UBE2E2: variants seen among roughly 807,000 people sequenced by gnomAD.
The protein encoded by UBE2E2 is ubiquitin-conjugating enzyme E2 E2.
A neutral mutation model predicts 24.7 loss-of-function variants in UBE2E2; 6 were observed. The observed-to-expected ratio is 0.24, with a 90% CI of 0.13 to 0.48. The LOEUF (loss-of-function observed/expected upper bound fraction) is 0.48. UBE2E2 is among the 20% of genes least tolerant of loss of function. UBE2E2 has a pLI of 0.99. For synonymous variants in UBE2E2, 104 were observed against 83.6 expected (o/e 1.24, Z -1.33); for missense variants, 169 against 245.0 (o/e 0.69, Z 2.07).
chr3:23,323,995 T>C (rs1000662505), intron 3 of UBE2E2, among the ~76,000 whole-genome samples: 2 of 152,308 alleles, frequency 1.3e-5, no homozygotes, highest in African/African-American at 4.8e-5. Context: ...AGTAAATGAA[T>C]GAACAAATGG....
At position 23,515,319 on chromosome 3, in the gene UBE2E2, C is replaced by T. The variant is rs559629564; in HGVS notation, c.360+15579C>T. Among the ~76,000 whole-genome samples the T allele has an allele frequency of 2.6e-5, 4 of 152,212 alleles. No individual in the cohort carries two copies. The East Asian group carries it at 7.7e-4, about 29-fold the overall frequency. On this transcript the variant is annotated intron_variant, in intron 4 of 5. Coordinates refer to ENST00000396703, the MANE Select transcript of UBE2E2 (RefSeq NM_152653.4). ...GTGAAATAGGAGATATTTCCTCCTG[C>T]AGGTGTGCACACACATGTAAATACC...
At chr3:23,283,346 A>G (rs1344311562) in intron 3 of UBE2E2, among the ~76,000 whole-genome samples, 1 of 152,152 alleles carries the variant, frequency 6.6e-6, no homozygotes, top group Non-Finnish European at 1.5e-5. Context: ...ACCCACTTAC[A>G]TATTACTCTA....
At chr3:23,233,537 A>G (rs755606254) in intron 3 of UBE2E2, among the ~76,000 whole-genome samples, 1 of 152,214 alleles carries the variant, frequency 6.6e-6, no homozygotes, top group Non-Finnish European at 1.5e-5. Flanking sequence ...TTTGGATGAT[A>G]TCCTAAACAT....
intron 3 of UBE2E2, among the ~76,000 whole-genome samples, chr3:23,313,094 A>G (rs935822010): frequency 3.9e-5 from 6 of 152,090 alleles, no homozygotes; most frequent in African/African-American, 9.7e-5. Context: ...TGTTCTATAA[A>G]TATCTACTAG....
chr3:23,294,195 T>C (rs1292088015), intron 3 of UBE2E2, among the ~76,000 whole-genome samples: 3 of 152,244 alleles, frequency 2.0e-5, no homozygotes, highest in African/African-American at 7.2e-5. Context: ...GAAGAAAATA[T>C]TTAAATAACC....
chr3:23,546,504 A>G (rs1305434476), intron 5 of UBE2E2, among the ~76,000 whole-genome samples: 2 of 33,470 alleles, frequency 6.0e-5, no homozygotes, highest in African/African-American at 1.3e-4. Context: ...TCGGAGTTTT[A>G]CTCTTGTTGC....
chr3:23,368,626 A>T (rs1359477415), intron 3 of UBE2E2, among the ~76,000 whole-genome samples: 2 of 152,174 alleles, frequency 1.3e-5, no homozygotes, highest in African/African-American at 4.8e-5. Context: ...TATTATTTCT[A>T]TCTGTATTAT....
At chr3:23,545,124 AC>A (rs1695489934) in intron 5 of UBE2E2, among the ~76,000 whole-genome samples, 1 of 151,972 alleles carries the variant, frequency 6.6e-6, no homozygotes, top group Non-Finnish European at 1.5e-5. Context: ...TTGCCCAGGG[AC>A]GGGCAGGAGA....
At chr3:23,206,503 A>G (rs1696151212) in intron 1 of UBE2E2, among the ~76,000 whole-genome samples, 1 of 152,184 alleles carries the variant, frequency 6.6e-6, no homozygotes, top group Admixed American at 6.5e-5. Flanking sequence ...GTAGAAAAGT[A>G]GTCAGCTTTT....
intron 3 of UBE2E2, among the ~76,000 whole-genome samples, chr3:23,363,636 C>G (rs1172375559): frequency 6.6e-6 from 1 of 152,156 alleles, no homozygotes; most frequent in Non-Finnish European, 1.5e-5. Flanking sequence ...CTGGAGCACC[C>G]AGACTCATAA....
At chr3:23,304,290 A>C (rs546596703) in intron 3 of UBE2E2, among the ~76,000 whole-genome samples, 3 of 152,204 alleles carry the variant, frequency 2.0e-5, no homozygotes, top group Non-Finnish European at 4.4e-5. Flanking sequence ...TTTTGATGTC[A>C]AAAACCACTG....
chr3:23,205,537 T>C (rs1311029198), intron 1 of UBE2E2, among the ~76,000 whole-genome samples: 1 of 152,192 alleles, frequency 6.6e-6, no homozygotes, highest in Admixed American at 6.5e-5. Context: ...TTTTCTGTAA[T>C]CAAGCATTCA....
intron 3 of UBE2E2, among the ~76,000 whole-genome samples, chr3:23,390,827 G>C (rs1014249853): frequency 6.6e-6 from 1 of 152,110 alleles, no homozygotes; most frequent in African/African-American, 2.4e-5. Context: ...CTCCCATCTT[G>C]TTATCTTGTT....
chr3:23,384,704 G>A (rs577507619), intron 3 of UBE2E2, among the ~76,000 whole-genome samples: 2 of 151,918 alleles, frequency 1.3e-5, no homozygotes, highest in South Asian at 4.2e-4. Flanking sequence ...CAGCACGCCT[G>A]GCTAATTTTT....
intron 5 of UBE2E2, among the ~76,000 whole-genome samples, chr3:23,577,804 C>T (rs1177563320): frequency 2.6e-5 from 4 of 152,162 alleles, no homozygotes; most frequent in Admixed American, 6.5e-5. Flanking sequence ...GGCTGACTCT[C>T]TTAGTAGGGG....
intron 3 of UBE2E2, among the ~76,000 whole-genome samples, chr3:23,428,566 G>A (rs1253786951): frequency 2.6e-5 from 4 of 151,984 alleles, no homozygotes; most frequent in African/African-American, 9.7e-5. Context: ...TAATGAAATA[G>A]GAAACAGGAA....
At chr3:23,297,533 GCCAGTTTT>G (rs1698946512) in intron 3 of UBE2E2, among the ~76,000 whole-genome samples, 1 of 152,208 alleles carries the variant, frequency 6.6e-6, no homozygotes. Context: ...CCTATGGGTA[GCCAGTTTT>G]CCCAGCACCA....
Position 23,571,280 on chromosome 3 carries a change from C to CTCTTTTTTTTTTTTTT in UBE2E2, c.509-18453_509-18452insCTTTTTTTTTTTTTTT, listed in dbSNP as rs1696217145. The stretch of plus-strand genomic sequence containing the variant: ...AGTCCCCTCACCTGTGTGCTCCTTT[C>CTCTTTTTTTTTTTTTT]TTTTTTTTTTTTTTTTTTTTTTTTT... On this transcript the variant is annotated intron_variant, in intron 5 of 5. Transcript: ENST00000396703. Among the ~76,000 whole-genome samples the CTCTTTTTTTTTTTTTT allele has an allele frequency of 3.1e-3, 92 of 29,888 alleles. 6 individuals carry two copies. The highest frequency in any genetic ancestry group is 8.7e-3 in the African/African-American group (85 of 9,726). 19.6% of individuals were successfully genotyped at this position (29,888 alleles called of 152,430 possible).
At chr3:23,309,432 G>A (rs533189107) in intron 3 of UBE2E2, among the ~76,000 whole-genome samples, 10 of 152,262 alleles carry the variant, frequency 6.6e-5, no homozygotes, top group Middle Eastern at 3.4e-3. Context: ...ATCATCAGCC[G>A]GGCCTGGGGC....
Sources: gnomAD v4.1 joint callset for allele counts (sites outside exome capture counted in the v4.1 genomes callset) on GRCh38, gnomAD v4.1.1 for gene constraint, MANE v1.5 for transcripts, NCBI Gene and HGNC (gene_info 2026-07-23, HGNC 2026-07-21) for gene names.